NDST3: variants seen among roughly 807,000 people sequenced by gnomAD.
The protein encoded by NDST3 is N-deacetylase and N-sulfotransferase 3.
In NDST3, 58 loss-of-function variants were observed where a neutral mutation model predicts 96.1. The ratio of observed to expected loss-of-function variants is 0.60; its 90% confidence interval spans 0.49 to 0.75. NDST3 has a LOEUF of 0.75. Among genes scored for constraint, NDST3 ranks in the 30% least tolerant of loss-of-function variants. The pLI is 0.00. For missense variants in NDST3, 788 were observed against 1,034.2 expected, an observed-to-expected ratio of 0.76 and a Z score of 3.27; for synonymous variants, 333 against 359.7, an observed-to-expected ratio of 0.93 and a Z score of 0.84.
intron 4 of NDST3, among the ~76,000 whole-genome samples, chr4:118,133,604 G>A (rs1473256191): frequency 1.3e-5 from 2 of 152,078 alleles, no homozygotes; most frequent in East Asian, 3.9e-4. Flanking sequence ...TTAAAATTTG[G>A]CCTTCCTGCA....
chr4:118,154,216 A>T (rs1449559874), intron 6 of NDST3, among the ~76,000 whole-genome samples: 1 of 152,150 alleles, frequency 6.6e-6, no homozygotes, highest in Non-Finnish European at 1.5e-5. Flanking sequence ...CTCAGTTCCA[A>T]TTGTTCTGTA....
At chr4:118,085,062 G>T (rs1728314093) in intron 2 of NDST3, among the ~76,000 whole-genome samples, 1 of 152,164 alleles carries the variant, frequency 6.6e-6, no homozygotes, top group Admixed American at 6.5e-5. Flanking sequence ...GGCAGAGGTT[G>T]CAGTGAGCTG....
chr4:118,119,864 G>T (rs9993556), intron 4 of NDST3, among the ~76,000 whole-genome samples: 5 of 152,104 alleles, frequency 3.3e-5, no homozygotes, highest in Admixed American at 6.5e-5. Flanking sequence ...CTCCAGCACC[G>T]ATCTCCAGCT....
At chr4:118,213,142 A>T (rs967506178) in intron 6 of NDST3, among the ~76,000 whole-genome samples, 2 of 152,224 alleles carry the variant, frequency 1.3e-5, no homozygotes, top group African/African-American at 4.8e-5. Flanking sequence ...CTTCCCAGCC[A>T]GCAAGAATCA....
chr4:118,249,119 T>C (rs1392090846), intron 12 of NDST3, among the ~76,000 whole-genome samples: 2 of 152,232 alleles, frequency 1.3e-5, no homozygotes, highest in Admixed American at 1.3e-4. Context: ...AAGAAAAACC[T>C]ATTTTTCTTT....
intron 6 of NDST3, among the ~76,000 whole-genome samples, chr4:118,192,395 G>A (rs28667022): frequency 4.2e-4 from 64 of 152,254 alleles, no homozygotes; most frequent in African/African-American, 1.4e-3. Flanking sequence ...ATGTTTTCTT[G>A]TAGTAGTTTC....
chr4:118,157,534 T>C (rs970447118), intron 6 of NDST3, among the ~76,000 whole-genome samples: 2 of 151,698 alleles, frequency 1.3e-5, no homozygotes, highest in Non-Finnish European at 2.9e-5. Flanking sequence ...GCGATTCTCC[T>C]GCCTCAGCCT....
intron 12 of NDST3, among the ~76,000 whole-genome samples, chr4:118,244,357 G>A (rs759985920): frequency 2.7e-4 from 41 of 152,158 alleles, no homozygotes; most frequent in Non-Finnish European, 4.7e-4. Flanking sequence ...AGGATGACTA[G>A]AGGTACAAAA....
chr4:118,245,600 A>T (rs1024558769), intron 12 of NDST3, among the ~76,000 whole-genome samples: 1 of 152,164 alleles, frequency 6.6e-6, no homozygotes, highest in African/African-American at 2.4e-5. Context: ...TACTACACTA[A>T]AACTTTCTTA....
intron 6 of NDST3, among the ~76,000 whole-genome samples, chr4:118,156,457 T>C (rs184317584): frequency 3.0e-4 from 46 of 152,326 alleles, no homozygotes; most frequent in African/African-American, 1.1e-3. Context: ...CCTTATTCTA[T>C]TTTACATTCA....
chr4:118,109,833 G>A (rs1730499018), intron 3 of NDST3, among the ~76,000 whole-genome samples: 1 of 152,044 alleles, frequency 6.6e-6, no homozygotes, highest in Non-Finnish European at 1.5e-5. Flanking sequence ...AAAGAAAAGT[G>A]GCATTGTCAT....
intron 5 of NDST3, among the ~76,000 whole-genome samples, chr4:118,140,959 T>C (rs1437180146): frequency 6.6e-6 from 1 of 152,200 alleles, no homozygotes. Context: ...CTACACATCC[T>C]ATCTACTTAC....
At chr4:118,132,739 G>T (rs1732740552) in intron 4 of NDST3, among the ~76,000 whole-genome samples, 1 of 152,182 alleles carries the variant, frequency 6.6e-6, no homozygotes, top group Non-Finnish European at 1.5e-5. Flanking sequence ...ATCACTGATG[G>T]TTATTCAGGG....
intron 6 of NDST3, among the ~76,000 whole-genome samples, chr4:118,158,826 G>C (rs927481692): frequency 6.6e-6 from 1 of 152,164 alleles, no homozygotes; most frequent in Admixed American, 6.5e-5. Flanking sequence ...TCAGCAAAAT[G>C]ATGAAATAGA....
intron 2 of NDST3, among the ~76,000 whole-genome samples, chr4:118,092,731 G>T (rs527257073): frequency 6.6e-6 from 1 of 151,948 alleles, no homozygotes; most frequent in Admixed American, 6.6e-5. Context: ...TGGGCAAACT[G>T]TAGTGAAGGG....
chr4:118,232,984 A>G, intron 8 of NDST3, 28 bp from the exon 9 acceptor site: 2 of 1,594,538 alleles, frequency 1.3e-6, no homozygotes, highest in Admixed American at 1.7e-5. Context: ...TCATTTAATT[A>G]ATTTCTGAAC....
intron 12 of NDST3, among the ~76,000 whole-genome samples, chr4:118,248,316 A>G (rs571407675): frequency 1.3e-5 from 2 of 151,614 alleles, no homozygotes; most frequent in East Asian, 3.9e-4. Context: ...ACACCACTTC[A>G]CTCCAGCCTG....
chr4:118,089,541 T>G (rs1728702215), intron 2 of NDST3, among the ~76,000 whole-genome samples: 1 of 151,892 alleles, frequency 6.6e-6, no homozygotes, highest in South Asian at 2.1e-4. Context: ...AAATCAAACC[T>G]ACAAGTTATT....
At chr4:118,049,957 C>T (rs190895617) in intron 1 of NDST3, among the ~76,000 whole-genome samples, 7 of 152,102 alleles carry the variant, frequency 4.6e-5, no homozygotes, top group African/African-American at 1.2e-4. Context: ...CCAATATCTC[C>T]GATGAACATA....
Sources: allele counts gnomAD v4.1 joint callset (sites outside exome capture counted in the v4.1 genomes callset), GRCh38; gene constraint gnomAD v4.1.1; transcripts MANE v1.5; gene names NCBI Gene and HGNC (gene_info 2026-07-23, HGNC 2026-07-21).